ASTN2: variants seen among roughly 807,000 people sequenced by gnomAD.
The protein encoded by ASTN2 is astrotactin-2.
Under a neutral mutation model 139.8 loss-of-function variants are expected in ASTN2, and 54 were observed. The observed-to-expected ratio is 0.39, with a 90% CI of 0.31 to 0.48. The LOEUF (loss-of-function observed/expected upper bound fraction) is 0.48, where lower values mean the gene tolerates loss of function less well. Among genes scored for constraint, ASTN2 ranks in the 20% least tolerant of loss-of-function variants. The probability of loss-of-function intolerance (pLI) is 0.95; values close to 1 mark genes in which losing one functional copy is unlikely to be tolerated. For synonymous variants in ASTN2, 756 were observed against 719.5 expected (o/e 1.05, Z -0.81); for missense variants, 1,565 against 1,725.1 (o/e 0.91, Z 1.64).
chr9:116,522,409 C>A (rs775439237), intron 19 of ASTN2, among the ~76,000 whole-genome samples: 2 of 152,076 alleles, frequency 1.3e-5, no homozygotes, highest in African/African-American at 2.4e-5. Flanking sequence ...TGAAGTAACT[C>A]AGGAATAGAA....
chr9:117,087,785 G>A (rs1828606766), intron 5 of ASTN2, among the ~76,000 whole-genome samples: 1 of 152,176 alleles, frequency 6.6e-6, no homozygotes, highest in Non-Finnish European at 1.5e-5. Context: ...GAGAACAAAT[G>A]TGTCTTGCCT....
At chr9:117,148,735 A>G (rs1453748388) in intron 3 of ASTN2, among the ~76,000 whole-genome samples, 2 of 152,186 alleles carry the variant, frequency 1.3e-5, no homozygotes, top group African/African-American at 2.4e-5. Flanking sequence ...AAGATTTTTT[A>G]TCTATATTTT....
At chr9:117,365,831 G>A (rs980449905) in intron 1 of ASTN2, among the ~76,000 whole-genome samples, 9 of 152,200 alleles carry the variant, frequency 5.9e-5, no homozygotes, top group Admixed American at 2.6e-4. Context: ...CAGTGGAAAT[G>A]CACTGGCCTA....
chr9:116,989,586 G>GTTTTT (rs56128640), intron 7 of ASTN2, among the ~76,000 whole-genome samples: 4 of 137,288 alleles, frequency 2.9e-5, no homozygotes, highest in Non-Finnish European at 6.2e-5. Context: ...TTATATTTGG[G>GTTTTT]TTTTTTTTTT....
intron 5 of ASTN2, among the ~76,000 whole-genome samples, chr9:117,068,741 G>A (rs1828023403): frequency 8.2e-6 from 1 of 121,968 alleles, no homozygotes; most frequent in African/African-American, 2.9e-5. Flanking sequence ...TCTTGGGAGA[G>A]TGTATGTGTC....
intron 19 of ASTN2, among the ~76,000 whole-genome samples, chr9:116,600,255 T>C (rs566894618): frequency 6.9e-4 from 97 of 141,366 alleles, no homozygotes; most frequent in Non-Finnish European, 1.1e-3. Flanking sequence ...GCCCGGGAGA[T>C]AGAGGCTACA....
At chr9:117,092,922 C>A (rs888161161) in intron 5 of ASTN2, among the ~76,000 whole-genome samples, 7 of 151,948 alleles carry the variant, frequency 4.6e-5, no homozygotes, top group African/African-American at 9.7e-5. Context: ...CCAAAGGGGA[C>A]AACAGAACCA....
rs574426343 is a variant in ASTN2, at chr9:116,739,643, G to A, written c.2397-6120C>T. Among the ~76,000 whole-genome samples, 10 of 152,222 alleles carry A rather than the reference G, an allele frequency of 6.6e-5. No homozygotes were observed. In the East Asian group the frequency reaches 9.7e-4, roughly 15 times the overall value. ...GTTTTCCACTATGAAGGGCTTTATC[G>A]TTTCTAACGATACATGTGCTCATGG... On this transcript the variant is annotated intron_variant, in intron 13 of 22. Transcript: ENST00000313400.
intron 19 of ASTN2, among the ~76,000 whole-genome samples, chr9:116,540,155 C>G (rs1053499020): frequency 6.6e-6 from 1 of 152,120 alleles, no homozygotes; most frequent in Non-Finnish European, 1.5e-5. Flanking sequence ...CCTAAGATTT[C>G]ATGTCTCTAT....
chr9:116,752,440 T>C (rs1172016075), intron 13 of ASTN2, among the ~76,000 whole-genome samples: 2 of 152,128 alleles, frequency 1.3e-5, no homozygotes, highest in African/African-American at 2.4e-5. Flanking sequence ...TAGGAGATAA[T>C]ATAGGAGAAA....
intron 16 of ASTN2, among the ~76,000 whole-genome samples, chr9:116,694,129 T>C (rs1860712440): frequency 6.6e-6 from 1 of 152,094 alleles, no homozygotes; most frequent in African/African-American, 2.4e-5. Flanking sequence ...CTGAGATAAT[T>C]TGGGGATGTG....
intron 19 of ASTN2, among the ~76,000 whole-genome samples, chr9:116,581,132 T>G (rs1178465678): frequency 1.3e-5 from 2 of 152,150 alleles, no homozygotes; most frequent in South Asian, 2.1e-4. Context: ...TAAGCTTCAG[T>G]CTTTTCTGAG....
chr9:117,216,281 C>T (rs1016320803), intron 2 of ASTN2, among the ~76,000 whole-genome samples: 3 of 152,236 alleles, frequency 2.0e-5, no homozygotes, highest in Admixed American at 6.5e-5. Flanking sequence ...GCAAGACCCT[C>T]AGCTCACTAT....
chr9:117,164,981 A>G (rs1042540155), intron 3 of ASTN2, among the ~76,000 whole-genome samples: 4 of 152,088 alleles, frequency 2.6e-5, no homozygotes, highest in Non-Finnish European at 5.9e-5. Flanking sequence ...CTGCAGCTCT[A>G]GAAGGCTACC....
At chr9:116,939,268 A>G (rs1835161501) in intron 10 of ASTN2, among the ~76,000 whole-genome samples, 1 of 152,228 alleles carries the variant, frequency 6.6e-6, no homozygotes, top group Non-Finnish European at 1.5e-5. Flanking sequence ...AGTAGTAGCT[A>G]TAGTAAGATA....
At chr9:117,294,418 G>A (rs1834677518) in intron 1 of ASTN2, among the ~76,000 whole-genome samples, 1 of 152,260 alleles carries the variant, frequency 6.6e-6, no homozygotes, top group African/African-American at 2.4e-5. Context: ...GAAGAGGAGA[G>A]AGGAGGGGTA....
At chr9:117,174,420 T>C (rs1588041937) in intron 3 of ASTN2, among the ~76,000 whole-genome samples, 1 of 151,878 alleles carries the variant, frequency 6.6e-6, no homozygotes, top group Non-Finnish European at 1.5e-5. Flanking sequence ...AGTCAGAAAT[T>C]ACCATCTAAC....
intron 19 of ASTN2, among the ~76,000 whole-genome samples, chr9:116,509,218 C>T (rs1319439370): frequency 6.6e-6 from 1 of 152,122 alleles, no homozygotes. Context: ...CCCAAGTGTT[C>T]TCATTGTTCA....
At chr9:117,120,753 C>T (rs1426859108) in intron 4 of ASTN2, among the ~76,000 whole-genome samples, 1 of 152,158 alleles carries the variant, frequency 6.6e-6, no homozygotes, top group Non-Finnish European at 1.5e-5. Flanking sequence ...TTTCCATTGC[C>T]ACCCAAGAGA....
Sources: allele counts gnomAD v4.1 joint callset (sites outside exome capture counted in the v4.1 genomes callset), GRCh38; gene constraint gnomAD v4.1.1; transcripts MANE v1.5; gene names NCBI Gene and HGNC (gene_info 2026-07-23, HGNC 2026-07-21).